Variants in HMCN1 observed in about 807,000 individuals in gnomAD.
The protein encoded by HMCN1 is hemicentin-1.
In HMCN1, 321 loss-of-function variants were observed where a neutral mutation model predicts 625.9. The observed-to-expected ratio is 0.51, with a 90% CI of 0.47 to 0.56. HMCN1 has a LOEUF of 0.56. Among genes scored for constraint, HMCN1 ranks in the 20% least tolerant of loss-of-function variants. The pLI is 0.00. For synonymous variants in HMCN1, 2,425 were observed against 2,417.6 expected (o/e 1.00, Z -0.09); for missense variants, 6,588 against 6,887.3 (o/e 0.96, Z 1.54).
At chr1:185,830,813 G>C (rs1660811698) in intron 1 of HMCN1, among the ~76,000 whole-genome samples, 1 of 151,964 alleles carries the variant, frequency 6.6e-6, no homozygotes, top group African/African-American at 2.4e-5. Context: ...TATTGAGCTG[G>C]GGAGGTGGAG....
intron 70 of HMCN1, 123 bp from the exon 71 acceptor site, chr1:186,108,338 C>A: frequency 2.8e-6 from 4 of 1,451,932 alleles, no homozygotes; most frequent in Non-Finnish European, 3.8e-6. Flanking sequence ...ATTATCTAGG[C>A]TATAAATTAA....
chr1:186,190,649 TTTTG>T lies in HMCN1; in HGVS notation c.*775_*778del, dbSNP rs201927661. 9.1e-3 allele frequency: 1,746 copies of T among 191,736 alleles called. 28 individuals carry two copies. The highest frequency in any genetic ancestry group is 0.037 in the African/African-American group (1,591 of 43,142). 11.9% of individuals were successfully genotyped at this position (191,736 alleles called of 1,614,324 possible). ...GCTTCATAACTTTTACGTTCCAGAA[TTTTG>T]TTTATTTTCCTGTCAATGAAAGCAA... On this transcript the variant is annotated 3_prime_UTR_variant, in exon 107 of 107. Transcript: ENST00000271588.
rs557162727 is a variant in HMCN1 at position 186,105,146 on chromosome 1, G to A, written c.10770+1478G>A. Among the ~76,000 whole-genome samples the A allele has an allele frequency of 4.5e-4, 69 of 152,164 alleles. 1 individual carries two copies. Among genetic ancestry groups the A allele is most frequent in the Admixed American group, 1.9e-3 (29 of 15,276 alleles). ...GGAGAATCCATAAGACCTAAGATAT[G>A]TGACATGTGTCAGCCTTCAAGAAGT... On this transcript the variant is annotated intron_variant, in intron 69 of 106. Transcript: ENST00000271588.
intron 3 of HMCN1, among the ~76,000 whole-genome samples, chr1:185,865,473 C>A (rs1663117954): frequency 6.6e-6 from 1 of 151,980 alleles, no homozygotes; most frequent in Non-Finnish European, 1.5e-5. Flanking sequence ...TAGTCATGGT[C>A]TCACTTCTAC....
rs1480565805 is a variant in HMCN1, at chr1:185,931,544, T to TTGAATTTTA, written c.1553-2004_1553-2003insGAATTTTAT. 9.8e-3 allele frequency among the ~76,000 whole-genome samples: 1,488 copies of TTGAATTTTA among 152,294 alleles called. 18 individuals are homozygous for TTGAATTTTA. The highest frequency in any genetic ancestry group is 0.033 in the African/African-American group (1,361 of 41,554). ...ATGTTAGTAGAAAGTTGGCATGTAC[T>TTGAATTTTA]TATTTGAATTTATATCTGAAGAGGA... On this transcript the variant is annotated intron_variant, in intron 10 of 106. Transcript: ENST00000271588.
chr1:185,778,268 A>G (rs374582458), intron 1 of HMCN1, among the ~76,000 whole-genome samples: 67 of 152,194 alleles, frequency 4.4e-4, no homozygotes, highest in African/African-American at 1.6e-3. Context: ...GTATGGGGAC[A>G]TCCATAGATA....
chr1:186,178,734 AAGGCTCTG>A lies in HMCN1; in HGVS notation c.16267_16274del (p.Ser5423LysfsTer3), dbSNP rs1652754678. ...AGGACTATTAGGAAAACTTGCCCTG[AAGGCTCTG>A]AGGCAAGCCATGACACATGTGTAGG... On this transcript the variant is annotated frameshift_variant, in exon 104 of 107. Transcript: ENST00000271588. LOFTEE classifies it high-confidence loss of function. 1.2e-6 allele frequency: 2 copies of A among 1,613,726 alleles called. No homozygotes were observed. Among genetic ancestry groups the A allele is most frequent in the Non-Finnish European group, 1.7e-6 (2 of 1,179,716 alleles).
intron 103 of HMCN1, 32 bp from the exon 104 acceptor site, chr1:186,178,384 T>G: frequency 6.7e-7 from 1 of 1,503,386 alleles, no homozygotes; most frequent in Non-Finnish European, 9.3e-7. Flanking sequence ...TGTGTCTTTT[T>G]TTTTCTTTTT....
intron 2 of HMCN1, among the ~76,000 whole-genome samples, chr1:185,855,973 T>C (rs1662440739): frequency 2.6e-5 from 4 of 152,224 alleles, no homozygotes; most frequent in East Asian, 1.9e-4. Context: ...AATATTCTGA[T>C]TGTCTCTCAG....
chr1:185,823,127 T>C (rs890168399), intron 1 of HMCN1, among the ~76,000 whole-genome samples: 2 of 152,146 alleles, frequency 1.3e-5, no homozygotes, highest in Non-Finnish European at 2.9e-5. Context: ...CCAATAACAT[T>C]ATTGGTAAAA....
Position 186,093,273 on chromosome 1 carries a change from T to TC in HMCN1, c.10012+20dup, listed in dbSNP as rs1411422764. The TC allele has an allele frequency of 6.2e-7, 1 of 1,613,140 alleles. No individual in the cohort carries two copies. The highest frequency in any genetic ancestry group is 1.3e-5 in the African/African-American group (1 of 74,958). ...GAATGTCTATGGTAAATATGAAATA[T>TC]CCCCCTCTTTTGATGATGCTGCCTT... is the stretch of plus-strand genomic sequence containing the variant. On this transcript the variant is annotated intron_variant, in intron 65 of 106. Transcript: ENST00000271588.
intron 4 of HMCN1, among the ~76,000 whole-genome samples, chr1:185,877,427 A>C (rs889796477): frequency 7.6e-6 from 1 of 131,478 alleles, no homozygotes; most frequent in African/African-American, 2.9e-5. Flanking sequence ...CTTTTTGTTT[A>C]GGATTACTTT....
chr1:185,946,161 T>C (rs1381386111), intron 11 of HMCN1, among the ~76,000 whole-genome samples: 1 of 152,222 alleles, frequency 6.6e-6, no homozygotes, highest in Non-Finnish European at 1.5e-5. Context: ...TTCTTCCAGC[T>C]ACATTATGGT....
chr1:185,995,179 T>A, intron 24 of HMCN1, 92 bp downstream of exon 24: 1 of 1,195,948 alleles, frequency 8.4e-7, no homozygotes, highest in Non-Finnish European at 1.2e-6. Flanking sequence ...TAATCTTAAA[T>A]GACTTCAGAA....
At chr1:186,021,783 G>T (rs1483487029) in intron 35 of HMCN1, among the ~76,000 whole-genome samples, 1 of 152,004 alleles carries the variant, frequency 6.6e-6, no homozygotes, top group East Asian at 1.9e-4. Context: ...AATTTGATGG[G>T]AAATTGGTTA....
At chr1:185,896,415 T>TCA (rs1553255643) in intron 4 of HMCN1, among the ~76,000 whole-genome samples, 10,805 of 134,384 alleles carry the variant, frequency 0.08, 1,346 homozygotes, top group African/African-American at 0.31. Flanking sequence ...ACACAAAAAC[T>TCA]CACGTGTACA....
chr1:185,848,492 C>T (rs1377205789), intron 2 of HMCN1, among the ~76,000 whole-genome samples: 3 of 152,034 alleles, frequency 2.0e-5, no homozygotes, highest in Admixed American at 2.0e-4. Flanking sequence ...TTGAAACTGG[C>T]TCCTTTTTGT....
intron 4 of HMCN1, among the ~76,000 whole-genome samples, chr1:185,885,503 A>G (rs185727367): frequency 1.3e-5 from 2 of 151,362 alleles, no homozygotes; most frequent in East Asian, 1.9e-4. Flanking sequence ...TACTTTAGTG[A>G]CAAATTTCCT....
At chr1:186,013,491 G>T (rs972561766) in intron 30 of HMCN1, among the ~76,000 whole-genome samples, 1 of 152,042 alleles carries the variant, frequency 6.6e-6, no homozygotes, top group Non-Finnish European at 1.5e-5. Flanking sequence ...TTGTCAGTAT[G>T]GACTAGTTCT....
Sources: allele counts gnomAD v4.1 joint callset (sites outside exome capture counted in the v4.1 genomes callset), GRCh38; gene constraint gnomAD v4.1.1; transcripts MANE v1.5; gene names NCBI Gene and HGNC (gene_info 2026-07-23, HGNC 2026-07-21).